COL22A1: variants seen among roughly 807,000 people sequenced by gnomAD.
COL22A1 encodes collagen alpha-1(XXII) chain.
In COL22A1, 221 loss-of-function variants were observed where a neutral mutation model predicts 248.9. The ratio of observed to expected loss-of-function variants is 0.89; its 90% CI spans 0.80 to 0.99. The LOEUF (loss-of-function observed/expected upper bound fraction) is 0.99, where lower values mean the gene tolerates loss of function less well. Among genes scored for constraint, COL22A1 ranks in the 50% least tolerant of loss-of-function variants. COL22A1 has a pLI of 0.00. For synonymous variants in COL22A1, 891 were observed against 793.4 expected (o/e 1.12, Z -2.07); for missense variants, 2,240 against 2,179.0 (o/e 1.03, Z -0.56).
chr8:138,827,037 T>A (rs1819642199), intron 5 of COL22A1: 2 of 456,362 alleles, frequency 4.4e-6, no homozygotes, highest in African/African-American at 3.9e-5. Context: ...TCTGCTTCCA[T>A]CTCTCCACCA....
At chr8:138,816,746 T>A (rs200581805) in intron 7 of COL22A1, among the ~76,000 whole-genome samples, 2 of 152,116 alleles carry the variant, frequency 1.3e-5, no homozygotes, top group East Asian at 1.9e-4. Context: ...GAAGCTTCAG[T>A]GTAGAATGTG....
rs143068081 is a variant in COL22A1 at position 138,738,519 on chromosome 8, C to T, written c.2086-942G>A. Among the ~76,000 whole-genome samples the T allele has an allele frequency of 2.2e-3, 342 of 152,188 alleles. 3 individuals are homozygous for T. The highest frequency in any genetic ancestry group is 7.6e-3 in the African/African-American group (316 of 41,504). On this transcript the variant is annotated intron_variant, in intron 22 of 64. Transcript: ENST00000303045. ...TACATTTTTTTGAGTGTCTATTTCA[C>T]GGCAAACTCTCTTTCTAGTTCTTCC...
intron 3 of COL22A1, among the ~76,000 whole-genome samples, chr8:138,868,055 A>G (rs753078226): frequency 1.3e-4 from 20 of 152,066 alleles, no homozygotes; most frequent in Non-Finnish European, 2.2e-4. Flanking sequence ...GAGCCACCGC[A>G]CCCGGCCTAT....
chr8:138,892,333 T>C (rs1586980886), intron 1 of COL22A1, among the ~76,000 whole-genome samples: 1 of 152,362 alleles, frequency 6.6e-6, no homozygotes, highest in African/African-American at 2.4e-5. Flanking sequence ...ATACTCAGTT[T>C]CCTCAACCAT....
chr8:138,743,743 T>C (rs896969729), intron 22 of COL22A1, among the ~76,000 whole-genome samples: 1 of 152,174 alleles, frequency 6.6e-6, no homozygotes, highest in Non-Finnish European at 1.5e-5. Flanking sequence ...AATATCTGGA[T>C]TAAGTGTTTG....
intron 22 of COL22A1, among the ~76,000 whole-genome samples, chr8:138,747,529 C>T (rs1832222778): frequency 6.6e-6 from 1 of 152,144 alleles, no homozygotes; most frequent in Non-Finnish European, 1.5e-5. Flanking sequence ...CTGCGCCTGC[C>T]CCAGGACCTC....
chr8:138,601,189 C>T (rs1413885150), intron 60 of COL22A1, among the ~76,000 whole-genome samples: 2 of 152,046 alleles, frequency 1.3e-5, no homozygotes, highest in Non-Finnish European at 2.9e-5. Context: ...AACATCAACG[C>T]CTTCTCAGCC....
At chr8:138,639,269 T>C (rs1443972096) in intron 47 of COL22A1, among the ~76,000 whole-genome samples, 1 of 152,212 alleles carries the variant, frequency 6.6e-6, no homozygotes. Context: ...TGGAATCTAA[T>C]CCAGATCCAT....
At chr8:138,606,784 C>A (rs1587656812) in intron 57 of COL22A1, among the ~76,000 whole-genome samples, 1 of 152,152 alleles carries the variant, frequency 6.6e-6, no homozygotes, top group Admixed American at 6.5e-5. Context: ...GATGGCATAC[C>A]ACTGCCCATG....
chr8:138,786,313 A>G (rs1335575719), intron 12 of COL22A1, among the ~76,000 whole-genome samples: 6 of 152,172 alleles, frequency 3.9e-5, no homozygotes, highest in Admixed American at 1.3e-4. Context: ...AGACGGTAAC[A>G]TCTCTTTTTG....
chr8:138,653,036 C>T (rs1822902278), intron 45 of COL22A1, among the ~76,000 whole-genome samples: 2 of 152,180 alleles, frequency 1.3e-5, no homozygotes, highest in African/African-American at 4.8e-5. Context: ...CATGAGCCAT[C>T]GCACCCCGCC....
At chr8:138,838,352 G>A (rs1820593950) in intron 4 of COL22A1, among the ~76,000 whole-genome samples, 1 of 152,098 alleles carries the variant, frequency 6.6e-6, no homozygotes, top group Non-Finnish European at 1.5e-5. Flanking sequence ...GAGGGGGAGT[G>A]AGGAGAGCCT....
intron 3 of COL22A1, among the ~76,000 whole-genome samples, chr8:138,876,741 C>G (rs1823743401): frequency 2.6e-5 from 4 of 152,180 alleles, no homozygotes; most frequent in Admixed American, 2.6e-4. Context: ...CATGCTGCCC[C>G]AGCCCCCAAA....
chr8:138,616,817 A>G (rs1819361503), intron 54 of COL22A1, 97 bp downstream of exon 54: 13 of 1,395,332 alleles, frequency 9.3e-6, no homozygotes, highest in Non-Finnish European at 1.3e-5. Flanking sequence ...CTCTCGGGTA[A>G]GGCACTGCCA....
At chr8:138,726,604 G>A (rs1291168954) in intron 23 of COL22A1, among the ~76,000 whole-genome samples, 3 of 152,112 alleles carry the variant, frequency 2.0e-5, no homozygotes, top group Non-Finnish European at 4.4e-5. Context: ...CTTGCACCTG[G>A]GAGTGATGCT....
chr8:138,598,701 C>G lies in COL22A1; in HGVS notation c.4365+18G>C, dbSNP rs942333145. 1 of 1,606,792 alleles carries G rather than the reference C, an allele frequency of 6.2e-7. No individual in the cohort carries two copies. The highest frequency in any genetic ancestry group is 1.1e-5 in the South Asian group (1 of 90,248). On this transcript the variant is annotated intron_variant, in intron 61 of 64. Coordinates refer to ENST00000303045, the MANE Select transcript of COL22A1 (RefSeq NM_152888.3). ...GCCCCGAGGAGCCCCGAGTCCAAAG[C>G]CATATTAGCATCCTTACCCTCAGTC...
intron 2 of COL22A1, among the ~76,000 whole-genome samples, chr8:138,879,008 A>AAAAAACAAAAC (rs1823972964): frequency 6.6e-6 from 1 of 151,264 alleles, no homozygotes; most frequent in Non-Finnish European, 1.5e-5. Flanking sequence ...ACTCTGTCTC[A>AAAAAACAAAAC]AAAACAAAAC....
At chr8:138,772,676 A>G (rs1283772694) in intron 16 of COL22A1, among the ~76,000 whole-genome samples, 3 of 152,158 alleles carry the variant, frequency 2.0e-5, no homozygotes, top group Non-Finnish European at 4.4e-5. Context: ...TCTTTCTGGC[A>G]CATTAAAGAA....
intron 10 of COL22A1, among the ~76,000 whole-genome samples, chr8:138,803,751 A>G (rs1817208659): frequency 6.6e-6 from 1 of 152,198 alleles, no homozygotes; most frequent in Admixed American, 6.5e-5. Context: ...TCATGAGCCA[A>G]TCCAAGATAG....
Sources: gnomAD v4.1 joint callset for allele counts (sites outside exome capture counted in the v4.1 genomes callset) on GRCh38, gnomAD v4.1.1 for gene constraint, MANE v1.5 for transcripts, NCBI Gene and HGNC (gene_info 2026-07-23, HGNC 2026-07-21) for gene names.